CMTM4: variants seen among roughly 807,000 people sequenced by gnomAD.
CMTM4 encodes CKLF like MARVEL transmembrane domain containing 4.
CMTM4 carries 8 observed loss-of-function variants against 19.0 expected under a neutral mutation model. The ratio of observed to expected loss-of-function variants is 0.42; its 90% CI spans 0.25 to 0.76. The LOEUF (loss-of-function observed/expected upper bound fraction) is 0.76, where lower values mean the gene tolerates loss of function less well. Among genes scored for constraint, CMTM4 ranks in the 30% least tolerant of loss-of-function variants. CMTM4 has a pLI of 0.27. For synonymous variants in CMTM4, 106 were observed against 121.1 expected, an observed-to-expected ratio of 0.88 and a Z score of 0.82; for missense variants, 228 against 290.2, an observed-to-expected ratio of 0.79 and a Z score of 1.56.
the CMTM4 span, chr16:66,604,977 GC>G: frequency 6.8e-7 from 1 of 1,467,336 alleles, no homozygotes; most frequent in Non-Finnish European, 9.0e-7. Flanking sequence ...ACCCTCGGCC[GC>G]CCCGCTAGGA....
downstream of CMTM4, among the ~76,000 whole-genome samples, chr16:66,611,546 G>A (rs1231266376): frequency 6.6e-6 from 1 of 152,154 alleles, no homozygotes. Flanking sequence ...GGACTAGGCT[G>A]CCCACACCCC....
intron 1 of CMTM4, among the ~76,000 whole-genome samples, chr16:66,655,786 A>G (rs2016388643): frequency 6.6e-6 from 1 of 152,064 alleles, no homozygotes; most frequent in African/African-American, 2.4e-5. Flanking sequence ...AGGGGTTCCC[A>G]TTGGCCAAAT....
chr16:66,655,760 A>G (rs546257421), intron 1 of CMTM4, among the ~76,000 whole-genome samples: 1 of 152,256 alleles, frequency 6.6e-6, no homozygotes, highest in East Asian at 1.9e-4. Flanking sequence ...TCTAAAGGAC[A>G]CTGGAACCAG....
chr16:66,603,885 G>A, the CMTM4 span: 1 of 152,200 alleles, frequency 6.6e-6, no homozygotes, highest in East Asian at 1.9e-4. Context: ...GACTGCCGGT[G>A]AAGAGGGACA....
At chr16:66,673,880 C>CA (rs1489998323) in intron 1 of CMTM4, among the ~76,000 whole-genome samples, 1 of 152,214 alleles carries the variant, frequency 6.6e-6, no homozygotes, top group African/African-American at 2.4e-5. Context: ...CAATGGTGGC[C>CA]AGTCCTTGGT....
chr16:66,599,937 T>C, the CMTM4 span, among the ~76,000 whole-genome samples: 1 of 152,090 alleles, frequency 6.6e-6, no homozygotes, highest in East Asian at 1.9e-4. Context: ...CAGTAGTATC[T>C]CATTGTGGTT....
intron 2 of CMTM4, among the ~76,000 whole-genome samples, chr16:66,635,655 G>A (rs1405878431): frequency 2.0e-5 from 3 of 152,198 alleles, no homozygotes; most frequent in African/African-American, 7.2e-5. Flanking sequence ...CATCCCACAG[G>A]CACAGCAGTG....
chr16:66,667,918 T>C (rs1173661827), intron 1 of CMTM4, among the ~76,000 whole-genome samples: 1 of 152,176 alleles, frequency 6.6e-6, no homozygotes, highest in Admixed American at 6.6e-5. Flanking sequence ...TCTTTGGAAA[T>C]AATATTTCTT....
At chr16:66,678,617 T>G (rs1011123233) in intron 1 of CMTM4, among the ~76,000 whole-genome samples, 1 of 152,210 alleles carries the variant, frequency 6.6e-6, no homozygotes, top group African/African-American at 2.4e-5. Context: ...ATAGGCAAAT[T>G]AATTCTGTCT....
At chr16:66,656,662 A>C (rs1002358368) in intron 1 of CMTM4, among the ~76,000 whole-genome samples, 6 of 152,104 alleles carry the variant, frequency 3.9e-5, no homozygotes, top group African/African-American at 7.2e-5. Flanking sequence ...GAAAAAAAAA[A>C]AAACAGTAAC....
chr16:66,611,537 G>T (rs1288725021), downstream of CMTM4, among the ~76,000 whole-genome samples: 1 of 152,150 alleles, frequency 6.6e-6, no homozygotes, highest in East Asian at 1.9e-4. Flanking sequence ...GGGGTTTAGG[G>T]ACTAGGCTGC....
chr16:66,634,355 G>A (rs941859819), intron 2 of CMTM4, among the ~76,000 whole-genome samples: 25 of 151,238 alleles, frequency 1.7e-4, no homozygotes, highest in Admixed American at 1.6e-3. Context: ...CAGGAGAATC[G>A]CTTGAACCCG....
chr16:66,671,418 TG>T (rs2016705287), intron 1 of CMTM4, among the ~76,000 whole-genome samples: 1 of 152,194 alleles, frequency 6.6e-6, no homozygotes, highest in Admixed American at 6.5e-5. Flanking sequence ...ACAGAAAATT[TG>T]GAAGAGGTGT....
intron 1 of CMTM4, among the ~76,000 whole-genome samples, chr16:66,661,602 T>C (rs2016500039): frequency 6.6e-6 from 1 of 152,182 alleles, no homozygotes; most frequent in South Asian, 2.1e-4. Context: ...TCCTTGCACA[T>C]GCCAGGAATA....
chr16:66,695,076 G>A (rs2017206451), intron 1 of CMTM4, among the ~76,000 whole-genome samples: 1 of 152,176 alleles, frequency 6.6e-6, no homozygotes, highest in African/African-American at 2.4e-5. Context: ...GCCTGGCACG[G>A]TGGCTCATGC....
At chr16:66,689,213 GA>G (rs1567435175) in intron 1 of CMTM4, among the ~76,000 whole-genome samples, 1 of 152,138 alleles carries the variant, frequency 6.6e-6, no homozygotes, top group African/African-American at 2.4e-5. Context: ...CATCATGGGG[GA>G]AAGCATTCAT....
At chr16:66,689,800 T>C (rs986360907) in intron 1 of CMTM4, among the ~76,000 whole-genome samples, 1 of 152,208 alleles carries the variant, frequency 6.6e-6, no homozygotes, top group African/African-American at 2.4e-5. Context: ...TCAAATTGGT[T>C]TGGTGTATTA....
the CMTM4 span, among the ~76,000 whole-genome samples, chr16:66,599,097 T>A: frequency 2.0e-5 from 3 of 151,654 alleles, no homozygotes; most frequent in Non-Finnish European, 4.4e-5. Context: ...CTGGGCAACA[T>A]GATGAAACCC....
intron 2 of CMTM4, among the ~76,000 whole-genome samples, chr16:66,631,321 C>G (rs9674044): frequency 6.6e-6 from 1 of 151,332 alleles, no homozygotes; most frequent in African/African-American, 2.4e-5. Flanking sequence ...GGGGTCAGCC[C>G]CCGCCCGGCC....
Sources: allele counts gnomAD v4.1 joint callset (sites outside exome capture counted in the v4.1 genomes callset), GRCh38; gene constraint gnomAD v4.1.1; transcripts MANE v1.5; gene names NCBI Gene and HGNC (gene_info 2026-07-23, HGNC 2026-07-21).